CCSER1: variants seen among roughly 807,000 people sequenced by gnomAD.
CCSER1 encodes the protein serine-rich coiled-coil domain-containing protein 1.
CCSER1 carries 41 observed loss-of-function variants against 82.0 expected under a neutral mutation model. The observed-to-expected ratio is 0.50, with a 90% CI of 0.39 to 0.65. CCSER1 has a LOEUF of 0.65. Ranked by LOEUF, CCSER1 falls within the 30% of genes least tolerant of loss-of-function variation. The pLI, the probability that CCSER1 is intolerant of heterozygous loss-of-function variation, is 0.00. For missense variants in CCSER1, 1,119 were observed against 1,064.2 expected, an observed-to-expected ratio of 1.05 and a Z score of -0.72; for synonymous variants, 414 against 383.9, an observed-to-expected ratio of 1.08 and a Z score of -0.92.
At chr4:91,209,621 T>C (rs1366150468) in intron 10 of CCSER1, among the ~76,000 whole-genome samples, 1 of 151,964 alleles carries the variant, frequency 6.6e-6, no homozygotes, top group Non-Finnish European at 1.5e-5. Flanking sequence ...TTCTGATACT[T>C]TGTCAAGGAT....
rs145044135 is a variant in CCSER1 at position 91,234,214 on chromosome 4, G to A, written c.2217+148220G>A. On this transcript the variant is annotated intron_variant, in intron 10 of 10. Coordinates refer to ENST00000509176, the MANE Select transcript of CCSER1 (RefSeq NM_001145065.2). The stretch of plus-strand genomic sequence containing the variant: ...GTTTTCCAGTCAGGTCTCCTTGTTC[G>A]CTTCAGTCTCATCTTTCTTCTTCCA... Among the ~76,000 whole-genome samples, 18 of 152,068 alleles carry A rather than the reference G, an allele frequency of 1.2e-4. No individual in the cohort carries two copies. The East Asian group carries it at 1.9e-3, about 16-fold the overall frequency.
At chr4:90,640,792 G>C (rs1726364298) in intron 6 of CCSER1, among the ~76,000 whole-genome samples, 1 of 152,074 alleles carries the variant, frequency 6.6e-6, no homozygotes, top group East Asian at 1.9e-4. Flanking sequence ...TGTGAAGAAG[G>C]TGCCTTGCTT....
At chr4:90,632,019 G>C (rs1242287464) in intron 6 of CCSER1, among the ~76,000 whole-genome samples, 1 of 152,110 alleles carries the variant, frequency 6.6e-6, no homozygotes, top group Non-Finnish European at 1.5e-5. Context: ...AAGCCTTTTA[G>C]AGAAGGGGTA....
intron 5 of CCSER1, among the ~76,000 whole-genome samples, chr4:90,548,044 AC>A (rs1295279786): frequency 4.6e-5 from 7 of 152,158 alleles, no homozygotes. Context: ...GCTAAGCCTC[AC>A]GTTGGTATTG....
chr4:91,312,976 C>T (rs80069295), intron 10 of CCSER1, among the ~76,000 whole-genome samples: 1 of 151,978 alleles, frequency 6.6e-6, no homozygotes, highest in Non-Finnish European at 1.5e-5. Context: ...TACCCCTTTC[C>T]AAGATTAAAA....
At chr4:91,353,804 T>A (rs1227676599) in intron 10 of CCSER1, among the ~76,000 whole-genome samples, 1 of 152,182 alleles carries the variant, frequency 6.6e-6, no homozygotes, top group Non-Finnish European at 1.5e-5. Flanking sequence ...CAGGTTCCTA[T>A]TACTATGATT....
intron 10 of CCSER1, among the ~76,000 whole-genome samples, chr4:91,341,088 G>A (rs866061712): frequency 6.6e-6 from 1 of 152,132 alleles, no homozygotes; most frequent in South Asian, 2.1e-4. Flanking sequence ...CAGAGGGGCA[G>A]GCTATGATTT....
chr4:90,391,460 A>ATATATG (rs1751063926), intron 3 of CCSER1, among the ~76,000 whole-genome samples: 2 of 86,110 alleles, frequency 2.3e-5, no homozygotes, highest in South Asian at 6.5e-4. Flanking sequence ...ATATATATAT[A>ATATATG]TATATATATA....
At chr4:90,507,888 A>G (rs899954196) in intron 5 of CCSER1, among the ~76,000 whole-genome samples, 2 of 151,974 alleles carry the variant, frequency 1.3e-5, no homozygotes, top group African/African-American at 4.8e-5. Flanking sequence ...TTGACAACTC[A>G]GTGAGAAGAT....
chr4:90,635,299 C>G (rs1725220730), intron 6 of CCSER1, among the ~76,000 whole-genome samples: 1 of 151,450 alleles, frequency 6.6e-6, no homozygotes. Flanking sequence ...CGTCAAGACA[C>G]ACTATATACT....
intron 3 of CCSER1, among the ~76,000 whole-genome samples, chr4:90,388,386 T>G (rs1340641659): frequency 6.6e-6 from 1 of 152,130 alleles, no homozygotes; most frequent in Admixed American, 6.5e-5. Flanking sequence ...CTCAGCTCAC[T>G]GCAACCTTTG....
chr4:90,232,159 C>T (rs6845657), intron 1 of CCSER1, among the ~76,000 whole-genome samples: 3,055 of 152,092 alleles, frequency 0.02, 64 homozygotes, highest in African/African-American at 0.056. Context: ...GAGCCCACAT[C>T]GCCAAGTCAA....
chr4:90,789,186 C>T (rs1250448892), intron 7 of CCSER1, among the ~76,000 whole-genome samples: 2 of 152,138 alleles, frequency 1.3e-5, no homozygotes, highest in African/African-American at 4.8e-5. Flanking sequence ...TCCAGAGCAG[C>T]TTTGATAATG....
intron 3 of CCSER1, among the ~76,000 whole-genome samples, chr4:90,375,207 T>C (rs1748113089): frequency 6.6e-6 from 1 of 152,150 alleles, no homozygotes. Flanking sequence ...CTGACATGCT[T>C]CTAGATTGGT....
chr4:91,348,034 G>C (rs1015270357), intron 10 of CCSER1, among the ~76,000 whole-genome samples: 1 of 152,070 alleles, frequency 6.6e-6, no homozygotes, highest in Non-Finnish European at 1.5e-5. Context: ...TGTAAGAACA[G>C]ACTTCCTTGC....
intron 5 of CCSER1, among the ~76,000 whole-genome samples, chr4:90,568,205 G>T (rs1032120306): frequency 6.6e-6 from 1 of 152,016 alleles, no homozygotes; most frequent in East Asian, 1.9e-4. Context: ...ATTTTAAGTC[G>T]GATGTTTCCT....
intron 10 of CCSER1, among the ~76,000 whole-genome samples, chr4:91,317,988 TAGG>T (rs1398900844): frequency 6.6e-6 from 1 of 151,948 alleles, no homozygotes; most frequent in Non-Finnish European, 1.5e-5. Flanking sequence ...CCTCATTTCA[TAGG>T]AGAAGGGTTG....
At chr4:90,526,215 C>T (rs1408794583) in intron 5 of CCSER1, among the ~76,000 whole-genome samples, 1 of 152,102 alleles carries the variant, frequency 6.6e-6, no homozygotes, top group Non-Finnish European at 1.5e-5. Context: ...ACACTCTGTT[C>T]TTACTGTCCT....
chr4:91,588,263 G>T (rs528886653), intron 10 of CCSER1, among the ~76,000 whole-genome samples: 1 of 151,324 alleles, frequency 6.6e-6, no homozygotes, highest in Non-Finnish European at 1.5e-5. Flanking sequence ...AAAAAAAATA[G>T]CCTTAGATTT....
Sources: allele counts gnomAD v4.1 joint callset (sites outside exome capture counted in the v4.1 genomes callset), GRCh38; gene constraint gnomAD v4.1.1; transcripts MANE v1.5; gene names NCBI Gene and HGNC (gene_info 2026-07-23, HGNC 2026-07-21).